Variants in ZBED4 observed in about 807,000 individuals in gnomAD.
ZBED4 encodes the protein zinc finger BED domain-containing protein 4.
Under a neutral mutation model 15.5 loss-of-function variants are expected in ZBED4, and 4 were observed. The observed-to-expected ratio is 0.26, with a 90% CI of 0.13 to 0.59. ZBED4 has a LOEUF of 0.59. Among genes scored for constraint, ZBED4 ranks in the 20% least tolerant of loss-of-function variants. ZBED4 has a pLI of 0.90. For missense variants in ZBED4, 1,323 were observed against 1,461.8 expected (o/e 0.91, Z 1.55); for synonymous variants, 692 against 608.5 (o/e 1.14, Z -2.02).
chr22:49,876,023 T>A (rs1179835352), intron 1 of ZBED4, among the ~76,000 whole-genome samples: 1 of 152,170 alleles, frequency 6.6e-6, no homozygotes, highest in African/African-American at 2.4e-5. Flanking sequence ...TTGCTTTACT[T>A]TTGTGTGTTT....
intron 1 of ZBED4, among the ~76,000 whole-genome samples, chr22:49,879,492 C>T (rs944646836): frequency 1.3e-4 from 20 of 151,672 alleles, no homozygotes; most frequent in South Asian, 6.2e-4. Context: ...CCACTATATC[C>T]GCTCTTACAA....
intron 1 of ZBED4, among the ~76,000 whole-genome samples, chr22:49,860,617 A>G (rs985195240): frequency 2.0e-5 from 3 of 150,960 alleles, no homozygotes; most frequent in African/African-American, 7.4e-5. Flanking sequence ...CAAGAAAGAA[A>G]TAAGACAAAT....
upstream of ZBED4, chr22:49,853,718 C>G (rs1569154746): frequency 6.6e-6 from 1 of 150,982 alleles, no homozygotes; most frequent in Non-Finnish European, 1.5e-5. Flanking sequence ...GCTCCGTCCT[C>G]CCGCCCGGCC....
intron 1 of ZBED4, among the ~76,000 whole-genome samples, chr22:49,855,641 C>A (rs1435597819): frequency 1.3e-5 from 2 of 152,082 alleles, no homozygotes; most frequent in Non-Finnish European, 2.9e-5. Flanking sequence ...GGACTCCTGG[C>A]GGCATGAGGA....
At position 49,886,491 on chromosome 22, in the gene ZBED4, G is replaced by T; in HGVS notation, c.2829G>T (p.Ala943=). ...GTGCGCTAAAGCCCTTCGAGGCTGC[G>T]AGCCGGGAGATGAGCACGCAGATGT... The part of the protein sequence containing the change: ...VCRALKPFEA[A]SREMSTQMST... The change falls in exon 2 of 2, where the codon GCG becomes GCT. Residue 943 remains alanine, a synonymous_variant. Transcript: ENST00000216268. This position sits in a 1 kb window ranked among gnomAD's most constrained non-coding sequence, Gnocchi z 7.7. 6.4e-7 allele frequency: 1 copy of T among 1,564,716 alleles called. No homozygotes were observed.
In ZBED4 at chr22:49,886,447, G is replaced by A; in HGVS notation, c.2785G>A (p.Val929Ile). The change falls in exon 2 of 2, where the codon GTC (valine) becomes ATC (isoleucine). Residue 929 changes from valine to isoleucine, a missense_variant. By Grantham distance (29) the Val-to-Ile change is conservative. Around this residue, in one of 6 missense-constraint regions of ZBED4, gnomAD observed 312 missense variants for 410.7 expected, o/e 0.76. Coordinates refer to ENST00000216268, the MANE Select transcript of ZBED4 (RefSeq NM_014838.3). This position sits in a 1 kb window ranked among gnomAD's most constrained non-coding sequence, Gnocchi z 7.7. ...GCTGATCAGCTGCGACCAGTGGGAG[G>A]TCATGCAGTCCGTGTGCCGTGCGCT... The part of the protein sequence containing the change: ...RELISCDQWE[V>I]MQSVCRALKP... The A allele has an allele frequency of 6.3e-7, 1 of 1,576,966 alleles. No homozygotes were observed. Among genetic ancestry groups the A allele is most frequent in the Non-Finnish European group, 8.6e-7 (1 of 1,157,920 alleles).
chr22:49,885,104 G>T lies in ZBED4; in HGVS notation c.1442G>T (p.Gly481Val). 6.2e-7 allele frequency: 1 copy of T among 1,613,942 alleles called. No homozygotes were observed. Among genetic ancestry groups the T allele is most frequent in the Admixed American group, 1.7e-5 (1 of 60,032 alleles). Residue 481 changes from glycine to valine, a missense_variant, in exon 2 of 2, where the codon GGC becomes GTC. Gly to Val is a moderately radical substitution (Grantham distance 109). This residue lies in a region of ZBED4 where 429 missense variants were observed against 397.9 expected (regional missense o/e 1.08). Coordinates refer to ENST00000216268, the MANE Select transcript of ZBED4 (RefSeq NM_014838.3). ...DSLKAECRYC[G>V]CAISRGKKGD... ...CTCAAGGCCGAGTGTCGGTACTGCG[G>T]CTGTGCCATCAGCCGGGGGAAGAAG...
chr22:49,854,565 A>G (rs1451915010), intron 1 of ZBED4, among the ~76,000 whole-genome samples: 1 of 152,186 alleles, frequency 6.6e-6, no homozygotes, highest in Non-Finnish European at 1.5e-5. Context: ...ATAATTTCAA[A>G]TGTTTTTCGA....
At position 49,885,463 on chromosome 22, in the gene ZBED4, C is replaced by T. The variant is rs751923383; in HGVS notation, c.1801C>T (p.Leu601=). 3.1e-6 allele frequency: 5 copies of T among 1,612,210 alleles called. No individual in the cohort carries two copies. The highest frequency in any genetic ancestry group is 2.2e-5 in the East Asian group (1 of 44,820). ...GACTAACTTGGGTACCAGCTGTCTT[C>T]TGAGACATTTACAGCGGTTCCATAG... ...KPTNLGTSCL[L]RHLQRFHSNV... Residue 601 remains leucine, a synonymous_variant, in exon 2 of 2, where the codon CTG becomes TTG. Transcript: ENST00000216268.
At chr22:49,862,320 A>T (rs1351066073) in intron 1 of ZBED4, among the ~76,000 whole-genome samples, 1 of 152,180 alleles carries the variant, frequency 6.6e-6, no homozygotes, top group Non-Finnish European at 1.5e-5. Flanking sequence ...TTTTGCTGAG[A>T]CTGGAATTGA....
At chr22:49,854,314 C>T (rs1178964708) in intron 1 of ZBED4, among the ~76,000 whole-genome samples, 1 of 150,876 alleles carries the variant, frequency 6.6e-6, no homozygotes, top group Non-Finnish European at 1.5e-5. Flanking sequence ...CTCGGGGCGC[C>T]GCCCGGGTCC....
rs113170145 is a variant in ZBED4 at position 49,874,188 on chromosome 22, GCACT to G, written c.-329-9140_-329-9137del. 1.3e-3 allele frequency among the ~76,000 whole-genome samples: 200 copies of G among 152,318 alleles called. 3 individuals carry two copies. Among genetic ancestry groups the G allele is most frequent in the African/African-American group, 4.5e-3 (188 of 41,564 alleles). ...GCTGTATAGAATATGCCGAGGGGAA[GCACT>G]CACTCTTTCACTGATGAGTATGATG... On this transcript the variant is annotated intron_variant, in intron 1 of 1. Transcript: ENST00000216268.
intron 1 of ZBED4, among the ~76,000 whole-genome samples, chr22:49,858,831 T>C (rs1053143534): frequency 3.3e-5 from 5 of 152,168 alleles, no homozygotes; most frequent in African/African-American, 4.8e-5. Flanking sequence ...CAGGGCCACG[T>C]GTCACAGTGG....
rs540860806 is a variant in ZBED4, at chr22:49,886,671, C to T, written c.3009C>T (p.Val1003=). The change falls in exon 2 of 2, where the codon GTC becomes GTT. Residue 1003 remains valine (V), a synonymous_variant. Transcript: ENST00000216268. The surrounding 1 kb of genome is among the most constrained non-coding windows in gnomAD (Gnocchi z 7.7). ...CCACCCTCCACGACCCGCGGTACGT[C>T]TTCGCCACGCTGCTGGATCCTCGCT... ...LSATLHDPRY[V]FATLLDPRYK... The T allele has an allele frequency of 3.7e-6, 6 of 1,611,228 alleles. No homozygotes were observed. In the East Asian group the frequency reaches 1.3e-4, roughly 36 times the overall value.
chr22:49,868,547 C>G (rs1411532631), intron 1 of ZBED4, among the ~76,000 whole-genome samples: 1 of 152,150 alleles, frequency 6.6e-6, no homozygotes, highest in Non-Finnish European at 1.5e-5. Context: ...CCACTGCACT[C>G]TAGCCTGGGC....
intron 1 of ZBED4, among the ~76,000 whole-genome samples, chr22:49,869,555 T>C (rs1301519664): frequency 6.6e-6 from 1 of 152,226 alleles, no homozygotes; most frequent in Non-Finnish European, 1.5e-5. Flanking sequence ...CTGGTTTGGC[T>C]CTCATTTTTC....
At chr22:49,874,339 G>A (rs570005818) in intron 1 of ZBED4, among the ~76,000 whole-genome samples, 1 of 152,130 alleles carries the variant, frequency 6.6e-6, no homozygotes, top group Admixed American at 6.5e-5. Flanking sequence ...TTTCTACATC[G>A]AATGACGTGC....
rs1047285601 is a variant in ZBED4 at position 49,889,603 on chromosome 22, T to G, written c.*2425T>G. 6.0e-6 allele frequency: 1 copy of G among 167,212 alleles called. No homozygotes were observed. The highest frequency in any genetic ancestry group is 1.5e-5 in the Non-Finnish European group (1 of 68,112). 10.4% of individuals were successfully genotyped at this position (167,212 alleles called of 1,614,324 possible). ...TTTACTCAACAGAAAATATGGCCCT[T>G]CCTGAATGACACTAGGAGAGTCATT... On this transcript the variant is annotated 3_prime_UTR_variant, in exon 2 of 2. Coordinates refer to ENST00000216268, the MANE Select transcript of ZBED4 (RefSeq NM_014838.3).
rs375168197 is a variant in ZBED4, at chr22:49,884,526, C to T, written c.864C>T (p.Ser288=). 44 of 1,613,968 alleles carry T rather than the reference C, an allele frequency of 2.7e-5. No homozygotes were observed. Among genetic ancestry groups the T allele is most frequent in the Middle Eastern group, 3.3e-4 (2 of 6,082 alleles). The change falls in exon 2 of 2, where the codon TCC becomes TCT. Residue 288 remains serine (S), a synonymous_variant. Transcript: ENST00000216268. ...PKSTSGSRRR[S]AVWKHFYLSP... is the part of the protein sequence containing the mutation. ...GCACCTCTGGGTCCAGGAGAAGGTCCGCTGTCTGGAAGCACTTCTACCTGT... is the reference window on the plus strand; with the variant it reads ...GCACCTCTGGGTCCAGGAGAAGGTCTGCTGTCTGGAAGCACTTCTACCTGT...
Sources: allele counts gnomAD v4.1 joint callset (sites outside exome capture counted in the v4.1 genomes callset), GRCh38; gene constraint gnomAD v4.1.1; regional missense constraint gnomAD v4.1.1; non-coding constraint Gnocchi (gnomAD v3.1); transcripts MANE v1.5; gene names NCBI Gene and HGNC (gene_info 2026-07-23, HGNC 2026-07-21).